The following FGF10 variants were observed in gnomAD, a reference collection of about 807,000 sequenced individuals.
FGF10 encodes fibroblast growth factor 10.
A neutral mutation model predicts 19.8 loss-of-function variants in FGF10; 2 were observed. That is an observed-to-expected ratio of 0.10 (90% CI 0.04 to 0.32). The LOEUF (loss-of-function observed/expected upper bound fraction) is 0.32. Ranked by LOEUF, FGF10 falls within the 10% of genes least tolerant of loss-of-function variation. The pLI is 1.00. For synonymous variants in FGF10, 112 were observed against 94.0 expected, an observed-to-expected ratio of 1.19 and a Z score of -1.10; for missense variants, 191 against 246.3, an observed-to-expected ratio of 0.78 and a Z score of 1.50.
At chr5:44,344,568 CTGTGTGTGTGTG>C (rs1166640935) in intron 1 of FGF10, among the ~76,000 whole-genome samples, 1 of 126,790 alleles carries the variant, frequency 7.9e-6, no homozygotes, top group Non-Finnish European at 1.6e-5. Flanking sequence ...TTTGTTTTCT[CTGTGTGTGTGTG>C]TGTGTGTGTG....
chr5:44,382,997 T>C (rs1742016357), intron 1 of FGF10, among the ~76,000 whole-genome samples: 1 of 152,138 alleles, frequency 6.6e-6, no homozygotes, highest in African/African-American at 2.4e-5. Context: ...ACACATATAT[T>C]ACTCTTCTTT....
At chr5:44,346,976 A>G (rs1340256440) in intron 1 of FGF10, among the ~76,000 whole-genome samples, 4 of 151,790 alleles carry the variant, frequency 2.6e-5, no homozygotes, top group Non-Finnish European at 4.4e-5. Flanking sequence ...ATAAATTTCA[A>G]AAAATGAATT....
intron 1 of FGF10, among the ~76,000 whole-genome samples, chr5:44,384,802 T>C (rs1390739949): frequency 6.6e-6 from 1 of 152,144 alleles, no homozygotes; most frequent in East Asian, 1.9e-4. Flanking sequence ...CTCTATTGCC[T>C]CCCATTCTTC....
At chr5:44,362,305 C>G (rs1265247845) in intron 1 of FGF10, among the ~76,000 whole-genome samples, 1 of 151,650 alleles carries the variant, frequency 6.6e-6, no homozygotes, top group Non-Finnish European at 1.5e-5. Context: ...AAAGAGATTC[C>G]TTCTTGAAAC....
At chr5:44,329,363 C>T (rs566559443) in intron 1 of FGF10, among the ~76,000 whole-genome samples, 24 of 151,986 alleles carry the variant, frequency 1.6e-4, no homozygotes, top group East Asian at 1.2e-3. Context: ...TTTTAGTAGA[C>T]GCGGGGTTTC....
chr5:44,330,392 C>G (rs899909737), intron 1 of FGF10, among the ~76,000 whole-genome samples: 1 of 152,138 alleles, frequency 6.6e-6, no homozygotes, highest in Admixed American at 6.6e-5. Flanking sequence ...AGCAGTTCCA[C>G]CTTTCACCCT....
chr5:44,324,176 T>A (rs1388543257), intron 1 of FGF10, among the ~76,000 whole-genome samples: 1 of 151,886 alleles, frequency 6.6e-6, no homozygotes, highest in Non-Finnish European at 1.5e-5. Flanking sequence ...GGGATCCAGA[T>A]TAAAGGACAA....
chr5:44,353,719 C>T (rs1413920953), intron 1 of FGF10, among the ~76,000 whole-genome samples: 1 of 151,222 alleles, frequency 6.6e-6, no homozygotes, highest in Non-Finnish European at 1.5e-5. Context: ...CCATCTCTCC[C>T]TATTTGCTTT....
At chr5:44,380,605 C>A (rs1211797393) in intron 1 of FGF10, among the ~76,000 whole-genome samples, 1 of 152,136 alleles carries the variant, frequency 6.6e-6, no homozygotes, top group Non-Finnish European at 1.5e-5. Flanking sequence ...AATCTAAGTG[C>A]CATTCTGGAA....
chr5:44,331,863 T>A (rs554184013), intron 1 of FGF10, among the ~76,000 whole-genome samples: 2 of 152,236 alleles, frequency 1.3e-5, no homozygotes, highest in African/African-American at 4.8e-5. Context: ...CCATGAATAT[T>A]GTGGTTACTC....
rs1163303503 is a variant in FGF10, at chr5:44,350,804, G to A, written c.325+37554C>T. Among the ~76,000 whole-genome samples, 6 of 151,040 alleles carry A rather than the reference G, an allele frequency of 4.0e-5. 1 individual carries two copies. The highest frequency in any genetic ancestry group is 2.0e-4 in the East Asian group (1 of 5,120). On this transcript the variant is annotated intron_variant, in intron 1 of 2. Transcript: ENST00000264664. ...ATTAAATTACTATGGCTCATTCTTG[G>A]TTTTGTTCCATGTATTAGATAGCAC...
At chr5:44,361,326 T>C (rs1228373051) in intron 1 of FGF10, among the ~76,000 whole-genome samples, 1 of 151,728 alleles carries the variant, frequency 6.6e-6, no homozygotes, top group East Asian at 1.9e-4. Flanking sequence ...TTTCAGGCAC[T>C]CATGAGAGCT....
At chr5:44,321,364 T>C (rs1417283574) in intron 1 of FGF10, among the ~76,000 whole-genome samples, 2 of 152,188 alleles carry the variant, frequency 1.3e-5, no homozygotes, top group Non-Finnish European at 2.9e-5. Flanking sequence ...ACAATGCTTG[T>C]TTTAGTGCAA....
chr5:44,347,073 A>G (rs1741105735), intron 1 of FGF10, among the ~76,000 whole-genome samples: 1 of 151,792 alleles, frequency 6.6e-6, no homozygotes, highest in Admixed American at 6.6e-5. Flanking sequence ...CTTTCATATA[A>G]TCAGTACCTA....
chr5:44,317,907 G>T (rs1249994696), intron 1 of FGF10, among the ~76,000 whole-genome samples: 1 of 152,046 alleles, frequency 6.6e-6, no homozygotes, highest in Non-Finnish European at 1.5e-5. Context: ...GGACAGAAAT[G>T]GATTTGTAAT....
At chr5:44,376,821 T>C (rs962445627) in intron 1 of FGF10, among the ~76,000 whole-genome samples, 2 of 152,058 alleles carry the variant, frequency 1.3e-5, no homozygotes, top group Non-Finnish European at 1.5e-5. Context: ...AATTATAATA[T>C]AGATAATACT....
chr5:44,322,739 C>G (rs113761560), intron 1 of FGF10, among the ~76,000 whole-genome samples: 2,097 of 151,634 alleles, frequency 0.014, 52 homozygotes, highest in African/African-American at 0.047. Flanking sequence ...TCTGCAGTGA[C>G]AGCAACCAAA....
intron 1 of FGF10, among the ~76,000 whole-genome samples, chr5:44,335,767 T>C (rs1262914611): frequency 2.0e-5 from 3 of 152,142 alleles, no homozygotes. Context: ...ATATTGAAAA[T>C]GAAAGACAAT....
rs751257850 is a variant in FGF10, at chr5:44,301,498, G to A, written c.*3497C>T. On this transcript the variant is annotated 3_prime_UTR_variant, in exon 3 of 3. Coordinates refer to ENST00000264664, the MANE Select transcript of FGF10 (RefSeq NM_004465.2). ...TCTAATTTTCAAATCAAATTCATTG[G>A]TCATTCATCCCCTTGAAATCAGATT... Among the ~76,000 whole-genome samples, 3 of 152,020 alleles carry A rather than the reference G, an allele frequency of 2.0e-5. No individual in the cohort carries two copies. Among genetic ancestry groups the A allele is most frequent in the Non-Finnish European group, 2.9e-5 (2 of 67,994 alleles).
Sources: allele counts gnomAD v4.1 joint callset (sites outside exome capture counted in the v4.1 genomes callset), GRCh38; gene constraint gnomAD v4.1.1; transcripts MANE v1.5; gene names NCBI Gene and HGNC (gene_info 2026-07-23, HGNC 2026-07-21).